The following MBD5 variants were observed in gnomAD, a reference collection of about 807,000 sequenced individuals.
MBD5 encodes methyl-CpG-binding domain protein 5.
A neutral mutation model predicts 117.3 loss-of-function variants in MBD5; 13 were observed. The observed-to-expected ratio is 0.11, with a 90% CI of 0.07 to 0.18. MBD5 has a LOEUF of 0.18. MBD5 is among the 10% of genes least tolerant of loss of function. The pLI is 1.00. For synonymous variants in MBD5, 727 were observed against 766.4 expected (o/e 0.95, Z 0.85); for missense variants, 1,879 against 2,093.8 (o/e 0.90, Z 2.00).
intron 4 of MBD5, among the ~76,000 whole-genome samples, chr2:148,395,339 C>T (rs983778620): frequency 6.6e-6 from 1 of 152,098 alleles, no homozygotes; most frequent in Middle Eastern, 3.4e-3. Flanking sequence ...ACTACCCTTT[C>T]ATCTGAGTTT....
chr2:148,059,829 G>C (rs1694978556), intron 1 of MBD5, among the ~76,000 whole-genome samples: 3 of 150,588 alleles, frequency 2.0e-5, no homozygotes, highest in Admixed American at 6.6e-5. Flanking sequence ...CTGGGAGACA[G>C]AGCGAGACTC....
At chr2:148,404,755 T>G (rs1705027219) in intron 4 of MBD5, among the ~76,000 whole-genome samples, 1 of 152,188 alleles carries the variant, frequency 6.6e-6, no homozygotes, top group African/African-American at 2.4e-5. Flanking sequence ...GTTTTATTTT[T>G]GGTTGTTTCA....
At chr2:148,101,778 T>C (rs1483962966) in intron 1 of MBD5, among the ~76,000 whole-genome samples, 2 of 152,192 alleles carry the variant, frequency 1.3e-5, no homozygotes, top group Non-Finnish European at 2.9e-5. Context: ...TCAGTAAAAA[T>C]AGGTGCTAAA....
At chr2:148,489,361 A>G in intron 10 of MBD5, 25 bp from the exon 11 acceptor site, 1 of 1,613,776 alleles carries the variant, frequency 6.2e-7, no homozygotes, top group Non-Finnish European at 8.5e-7. Flanking sequence ...CCTTTCTCTC[A>G]CTGCTTCCTG....
chr2:148,385,553 A>G (rs943466133), intron 4 of MBD5, among the ~76,000 whole-genome samples: 13 of 152,088 alleles, frequency 8.5e-5, no homozygotes, highest in African/African-American at 7.2e-5. Context: ...TTGGTGTGGC[A>G]ATTCCTCAGG....
intron 2 of MBD5, among the ~76,000 whole-genome samples, chr2:148,210,872 G>A (rs1699406382): frequency 6.6e-6 from 1 of 151,656 alleles, no homozygotes; most frequent in Non-Finnish European, 1.5e-5. Flanking sequence ...GATTACTTAA[G>A]ATCTTAAAAA....
Position 148,470,434 on chromosome 2 carries a change from A to G in MBD5, c.2491A>G (p.Ser831Gly). Reference protein sequence around the residue: ...TPVIPNSIVSSYNQTSSEAGG... With the variant: ...TPVIPNSIVSGYNQTSSEAGG... ...AGTGATACCAAACAGCATTGTTAGCAGCTATAATCAAACAAGTTCTGAAGC... is the reference window on the plus strand; with the variant it reads ...AGTGATACCAAACAGCATTGTTAGCGGCTATAATCAAACAAGTTCTGAAGC... The change falls in exon 8 of 14, where the codon AGC (serine) becomes GGC (glycine). Residue 831 changes from serine to glycine, a missense_variant. Ser to Gly is a moderately conservative substitution (Grantham distance 56). Around this residue, in one of 4 missense-constraint regions of MBD5, gnomAD observed 1,666 missense variants for 1,792.2 expected, o/e 0.93. Transcript: ENST00000642680. The G allele has an allele frequency of 1.7e-5, 27 of 1,605,750 alleles. No homozygotes were observed. Among genetic ancestry groups the G allele is most frequent in the Non-Finnish European group, 2.3e-5 (27 of 1,175,046 alleles).
chr2:148,121,585 GTT>G (rs1301798141), intron 1 of MBD5, among the ~76,000 whole-genome samples: 2 of 152,012 alleles, frequency 1.3e-5, no homozygotes, highest in Admixed American at 1.3e-4. Flanking sequence ...TACCTTGCCT[GTT>G]TTTACAGAAA....
chr2:148,024,859 G>A (rs893957093), intron 1 of MBD5: 6 of 152,088 alleles, frequency 3.9e-5, no homozygotes, highest in East Asian at 1.9e-4. Context: ...TTCATTGACC[G>A]GTGCAATAGG....
chr2:148,058,744 A>G (rs558029089), intron 1 of MBD5, among the ~76,000 whole-genome samples: 24 of 152,252 alleles, frequency 1.6e-4, no homozygotes, highest in African/African-American at 5.8e-4. Flanking sequence ...AGATTTTATT[A>G]TTTAATTCTG....
intron 1 of MBD5, among the ~76,000 whole-genome samples, chr2:148,149,538 T>C (rs1443544787): frequency 6.6e-6 from 1 of 151,108 alleles, no homozygotes; most frequent in Admixed American, 6.6e-5. Context: ...AGGGTTGAAC[T>C]AGTTTACAGT....
intron 1 of MBD5, among the ~76,000 whole-genome samples, chr2:148,088,602 G>A (rs1388274226): frequency 6.6e-6 from 1 of 152,036 alleles, no homozygotes; most frequent in Non-Finnish European, 1.5e-5. Context: ...TTCATATCCA[G>A]CAAAACTAAG....
intron 2 of MBD5, among the ~76,000 whole-genome samples, chr2:148,183,795 TG>T (rs1268077393): frequency 6.6e-5 from 10 of 152,304 alleles, no homozygotes; most frequent in African/African-American, 2.2e-4. Context: ...AACTGTCTTC[TG>T]AGGTCTTGTA....
intron 3 of MBD5, among the ~76,000 whole-genome samples, chr2:148,280,637 C>A (rs1701226765): frequency 6.6e-6 from 1 of 152,128 alleles, no homozygotes; most frequent in East Asian, 1.9e-4. Flanking sequence ...GCCATGTTGC[C>A]CAGGCGGGCC....
At chr2:148,239,031 C>CACACAT (rs1558986081) in intron 3 of MBD5, among the ~76,000 whole-genome samples, 1 of 149,408 alleles carries the variant, frequency 6.7e-6, no homozygotes, top group Admixed American at 6.7e-5. Flanking sequence ...CACACACACA[C>CACACAT]GTGTGTGTGT....
intron 4 of MBD5, among the ~76,000 whole-genome samples, chr2:148,383,581 A>G (rs2105458122): frequency 6.6e-6 from 1 of 152,280 alleles, no homozygotes; most frequent in Non-Finnish European, 1.5e-5. Flanking sequence ...ATAGAAAAAA[A>G]GGGAATCCTC....
At chr2:148,405,326 A>G (rs1705043423) in intron 4 of MBD5, among the ~76,000 whole-genome samples, 1 of 152,242 alleles carries the variant, frequency 6.6e-6, no homozygotes, top group Admixed American at 6.5e-5. Context: ...GAGCTAAAAC[A>G]GTAACGAGTA....
At chr2:148,339,778 A>G (rs964350282) in intron 3 of MBD5, among the ~76,000 whole-genome samples, 1 of 152,138 alleles carries the variant, frequency 6.6e-6, no homozygotes, top group Non-Finnish European at 1.5e-5. Context: ...TTTATTGTCT[A>G]TCCTCAATAA....
At chr2:148,255,236 AG>A (rs1700557549) in intron 3 of MBD5, among the ~76,000 whole-genome samples, 1 of 152,080 alleles carries the variant, frequency 6.6e-6, no homozygotes, top group Non-Finnish European at 1.5e-5. Context: ...GCAGCTGCCA[AG>A]GGCTTCTGCC....
Sources: allele counts gnomAD v4.1 joint callset (sites outside exome capture counted in the v4.1 genomes callset), GRCh38; gene constraint gnomAD v4.1.1; regional missense constraint gnomAD v4.1.1; transcripts MANE v1.5; gene names NCBI Gene and HGNC (gene_info 2026-07-23, HGNC 2026-07-21).